CDH18: variants seen among roughly 807,000 people sequenced by gnomAD.
CDH18 encodes cadherin-18.
A neutral mutation model predicts 67.9 loss-of-function variants in CDH18; 31 were observed. The observed-to-expected ratio is 0.46, with a 90% CI of 0.34 to 0.62. The LOEUF is 0.62. Ranked by LOEUF, CDH18 falls within the 20% of genes least tolerant of loss-of-function variation. The probability of loss-of-function intolerance (pLI) is 0.01; values close to 1 mark genes in which losing one functional copy is unlikely to be tolerated. For missense variants in CDH18, 890 were observed against 975.5 expected, an observed-to-expected ratio of 0.91 and a Z score of 1.17; for synonymous variants, 362 against 347.2, an observed-to-expected ratio of 1.04 and a Z score of -0.48.
Position 19,670,895 on chromosome 5 carries a change from G to C in CDH18, c.643+50452C>G, listed in dbSNP as rs76735477. On this transcript the variant is annotated intron_variant, in intron 5 of 12. Coordinates refer to ENST00000382275, the MANE Select transcript of CDH18 (RefSeq NM_004934.5). ...CTAAATATAAGGAAGTGAAATAAAA[G>C]GAAAAGTCTAGAAGAATGTCTAGTT... 7.6e-4 allele frequency among the ~76,000 whole-genome samples: 115 copies of C among 152,226 alleles called. 3 individuals are homozygous for C. The East Asian group carries it at 0.021, about 28-fold the overall frequency.
intron 1 of CDH18, among the ~76,000 whole-genome samples, chr5:20,566,832 G>T (rs1045755132): frequency 2.0e-5 from 3 of 152,008 alleles, no homozygotes; most frequent in East Asian, 1.9e-4. Flanking sequence ...GACAGTTACC[G>T]CTTGGTTACA....
chr5:19,791,606 A>G (rs1776369887), intron 3 of CDH18, among the ~76,000 whole-genome samples: 1 of 152,182 alleles, frequency 6.6e-6, no homozygotes, highest in Non-Finnish European at 1.5e-5. Context: ...GGTAACTTCT[A>G]GCAATATCAG....
chr5:20,502,744 A>G (rs1244908892), intron 1 of CDH18, among the ~76,000 whole-genome samples: 1 of 152,200 alleles, frequency 6.6e-6, no homozygotes, highest in Admixed American at 6.5e-5. Flanking sequence ...GGAAATGGCT[A>G]AAGCAGATCT....
chr5:19,931,504 A>C (rs1325421665), intron 2 of CDH18, among the ~76,000 whole-genome samples: 1 of 151,894 alleles, frequency 6.6e-6, no homozygotes, highest in Non-Finnish European at 1.5e-5. Flanking sequence ...TACCTAATAA[A>C]AATTTTTCTG....
intron 2 of CDH18, among the ~76,000 whole-genome samples, chr5:20,235,551 A>C (rs1225313855): frequency 6.6e-6 from 1 of 152,194 alleles, no homozygotes; most frequent in Non-Finnish European, 1.5e-5. Context: ...TAATTATAGA[A>C]ATGCAAATCA....
intron 11 of CDH18, among the ~76,000 whole-genome samples, chr5:19,484,766 C>G (rs1187143405): frequency 2.0e-5 from 3 of 152,218 alleles, no homozygotes; most frequent in Non-Finnish European, 4.4e-5. Flanking sequence ...ATCTGTCACT[C>G]TACGCTGTCG....
rs59038627 is a variant in CDH18 at position 20,485,320 on chromosome 5, A to G, written c.-580+90142T>C. 1.9e-3 allele frequency among the ~76,000 whole-genome samples: 287 copies of G among 152,268 alleles called. 1 individual carries two copies. Among genetic ancestry groups the G allele is most frequent in the African/African-American group, 6.6e-3 (276 of 41,574 alleles). ...CTGTAGGCTTTCCATTGAAGATGAC[A>G]TGTGTGTAATGTTTATTGGTCATTC... On this transcript the variant is annotated intron_variant, in intron 1 of 14. Coordinates refer to the CDH18 transcript ENST00000507958.
intron 2 of CDH18, among the ~76,000 whole-genome samples, chr5:20,230,637 C>T (rs1741992409): frequency 8.5e-6 from 1 of 117,834 alleles, no homozygotes; most frequent in Admixed American, 8.9e-5. Context: ...TAAGTATAGA[C>T]TTTCATCATC....
chr5:20,557,639 G>A (rs1757976313), intron 1 of CDH18, among the ~76,000 whole-genome samples: 1 of 151,866 alleles, frequency 6.6e-6, no homozygotes. Flanking sequence ...ACCATAGGGG[G>A]AAAAAGGTTT....
At chr5:20,219,097 C>CCTTAA (rs1741012283) in intron 2 of CDH18, among the ~76,000 whole-genome samples, 1 of 151,004 alleles carries the variant, frequency 6.6e-6, no homozygotes, top group African/African-American at 2.4e-5. Context: ...AATCTACAAA[C>CCTTAA]CTTTAGCCTA....
chr5:20,236,664 C>T (rs941742597), intron 2 of CDH18, among the ~76,000 whole-genome samples: 1 of 151,816 alleles, frequency 6.6e-6, no homozygotes, highest in Non-Finnish European at 1.5e-5. Flanking sequence ...ATTTAACGTC[C>T]CAATATCTAT....
intron 5 of CDH18, among the ~76,000 whole-genome samples, chr5:19,671,133 C>T (rs548723642): frequency 3.9e-5 from 6 of 152,070 alleles, no homozygotes; most frequent in East Asian, 1.9e-4. Flanking sequence ...TAAGAAATTA[C>T]GTTATTCAAG....
intron 1 of CDH18, among the ~76,000 whole-genome samples, chr5:20,510,440 G>A (rs7356773): frequency 0.023 from 3,542 of 152,062 alleles, 130 homozygotes; most frequent in African/African-American, 0.081. Flanking sequence ...TACAAATTAC[G>A]GGATTTCCTC....
intron 2 of CDH18, among the ~76,000 whole-genome samples, chr5:20,238,351 T>C (rs1005202590): frequency 3.3e-5 from 5 of 152,090 alleles, no homozygotes; most frequent in African/African-American, 1.2e-4. Context: ...AGAACTTGTA[T>C]TCAGAATTTA....
chr5:20,109,027 T>A (rs1747228949), intron 2 of CDH18, among the ~76,000 whole-genome samples: 1 of 152,224 alleles, frequency 6.6e-6, no homozygotes, highest in Admixed American at 6.5e-5. Flanking sequence ...TAATCTTCTA[T>A]TTGCCTGCAT....
chr5:19,528,320 T>C (rs1412300923), intron 9 of CDH18, among the ~76,000 whole-genome samples: 2 of 151,710 alleles, frequency 1.3e-5, no homozygotes, highest in African/African-American at 4.8e-5. Flanking sequence ...ATAATTACAA[T>C]CATATTTTTA....
At position 20,423,046 on chromosome 5, in the gene CDH18, A is replaced by G. The variant is rs537929696; in HGVS notation, c.-580+152416T>C. On this transcript the variant is annotated intron_variant, in intron 1 of 14. Transcript: ENST00000507958. ...CTCCAGAGGAGTTGAAGGAGAGAAAATGATTTGGTGGAAACACTAAGCACA... is the reference window on the plus strand; with the variant it reads ...CTCCAGAGGAGTTGAAGGAGAGAAAGTGATTTGGTGGAAACACTAAGCACA... 5.3e-5 allele frequency among the ~76,000 whole-genome samples: 8 copies of G among 151,224 alleles called. No homozygotes were observed. In the South Asian group the frequency reaches 1.4e-3, roughly 27 times the overall value.
chr5:19,924,403 G>A (rs1373957029), intron 2 of CDH18, among the ~76,000 whole-genome samples: 1 of 152,122 alleles, frequency 6.6e-6, no homozygotes, highest in Non-Finnish European at 1.5e-5. Context: ...TTGGGAGGCT[G>A]AGGAGGGCAG....
intron 3 of CDH18, among the ~76,000 whole-genome samples, chr5:19,822,849 C>T (rs998716744): frequency 4.6e-5 from 7 of 152,002 alleles, no homozygotes; most frequent in South Asian, 2.1e-4. Flanking sequence ...ATTTATTAGG[C>T]GGGAATTTTC....
Sources: gnomAD v4.1 joint callset for allele counts (sites outside exome capture counted in the v4.1 genomes callset) on GRCh38, gnomAD v4.1.1 for gene constraint, MANE v1.5 for transcripts, NCBI Gene and HGNC (gene_info 2026-07-23, HGNC 2026-07-21) for gene names.